Variants in SNX29 observed in about 807,000 individuals in gnomAD.
The protein encoded by SNX29 is sorting nexin-29.
In SNX29, 78 loss-of-function variants were observed where a neutral mutation model predicts 102.1. The ratio of observed to expected loss-of-function variants is 0.76; its 90% CI spans 0.64 to 0.92. The LOEUF is 0.92. SNX29 is among the 40% of genes least tolerant of loss of function. The pLI is 0.00. For synonymous variants in SNX29, 580 were observed against 414.5 expected, an observed-to-expected ratio of 1.40 and a Z score of -4.85; for missense variants, 1,280 against 1,061.7, an observed-to-expected ratio of 1.21 and a Z score of -2.86.
intron 18 of SNX29, among the ~76,000 whole-genome samples, chr16:12,408,049 T>C (rs1005249342): frequency 6.6e-6 from 1 of 151,922 alleles, no homozygotes; most frequent in Non-Finnish European, 1.5e-5. Flanking sequence ...TCCCAGCTAC[T>C]GGGGAGGCTG....
chr16:12,023,551 C>G (rs35989750), intron 3 of SNX29, among the ~76,000 whole-genome samples: 1 of 148,968 alleles, frequency 6.7e-6, no homozygotes, highest in Non-Finnish European at 1.5e-5. Context: ...GCACTCCAGC[C>G]TGGGTAACAG....
intron 18 of SNX29, among the ~76,000 whole-genome samples, chr16:12,410,458 T>G (rs988661808): frequency 1.3e-5 from 2 of 152,180 alleles, no homozygotes; most frequent in Non-Finnish European, 2.9e-5. Flanking sequence ...TTATTATTAC[T>G]TTGTTGGAGA....
At chr16:12,289,678 A>G (rs989964718) in intron 15 of SNX29, among the ~76,000 whole-genome samples, 3 of 150,966 alleles carry the variant, frequency 2.0e-5, no homozygotes, top group African/African-American at 7.3e-5. Flanking sequence ...ATGATCCAAT[A>G]CTCCTTTTTG....
chr16:12,261,291 TGC>T (rs2078749789), intron 14 of SNX29, among the ~76,000 whole-genome samples: 1 of 142,656 alleles, frequency 7.0e-6, no homozygotes, highest in African/African-American at 2.7e-5. Context: ...CTCGGGTCTG[TGC>T]GCGCGTCCCC....
intron 9 of SNX29, among the ~76,000 whole-genome samples, chr16:12,064,372 C>G (rs1003267059): frequency 6.6e-6 from 1 of 152,222 alleles, no homozygotes; most frequent in East Asian, 1.9e-4. Flanking sequence ...CCCCATCAGC[C>G]TCTAGAGTCC....
intron 9 of SNX29, 102 bp downstream of exon 9, chr16:12,061,748 A>G: frequency 3.0e-6 from 3 of 993,908 alleles, no homozygotes; most frequent in Non-Finnish European, 3.0e-6. Flanking sequence ...GGGAGCCGGG[A>G]GGCACGGGAG....
chr16:12,069,921 G>A (rs1366893854), intron 10 of SNX29, among the ~76,000 whole-genome samples: 6 of 151,490 alleles, frequency 4.0e-5, no homozygotes, highest in African/African-American at 1.2e-4. Context: ...CTCGTGATCC[G>A]CCCGCCTCGG....
intron 15 of SNX29, among the ~76,000 whole-genome samples, chr16:12,323,452 T>C (rs894475071): frequency 6.6e-6 from 1 of 151,366 alleles, no homozygotes; most frequent in Non-Finnish European, 1.5e-5. Flanking sequence ...ACTTCAAAAG[T>C]ACCATGATGA....
At chr16:12,541,347 C>T (rs1641890) in intron 20 of SNX29, among the ~76,000 whole-genome samples, 18,359 of 152,136 alleles carry the variant, frequency 0.12, 1,377 homozygotes, top group Non-Finnish European at 0.16. Context: ...TTACCTTCTT[C>T]ATTCTTCACA....
rs566782808 is a variant in SNX29, at chr16:12,572,275, C to T, written c.*3646C>T. The T allele has an allele frequency of 5.7e-6, 6 of 1,059,514 alleles. No homozygotes were observed. In the African/African-American group the frequency reaches 6.7e-5, roughly 12 times the overall value. 65.6% of individuals were successfully genotyped at this position (1,059,514 alleles called of 1,614,324 possible). A position where few individuals can be genotyped will look rare whatever the true frequency, so the allele number is the denominator to read the frequency against. ...GATACCATGGCTGTAGCTGATGCAA[C>T]TAACAAGTACTGGGGCCAGTGATCA... is the stretch of plus-strand genomic sequence containing the variant. On this transcript the variant is annotated 3_prime_UTR_variant, in exon 21 of 21. Coordinates refer to ENST00000566228, the MANE Select transcript of SNX29 (RefSeq NM_032167.5).
intron 18 of SNX29, among the ~76,000 whole-genome samples, chr16:12,448,801 T>G (rs568441057): frequency 6.6e-5 from 10 of 152,314 alleles, no homozygotes; most frequent in African/African-American, 2.4e-4. Context: ...GCTGTCCTGA[T>G]CAGGTGCATC....
intron 16 of SNX29, among the ~76,000 whole-genome samples, chr16:12,361,291 A>T (rs572065657): frequency 1.2e-4 from 18 of 152,332 alleles, no homozygotes; most frequent in African/African-American, 4.3e-4. Flanking sequence ...GCAGTCAGGA[A>T]CCAGGCAGTG....
intron 11 of SNX29, among the ~76,000 whole-genome samples, chr16:12,083,158 T>A (rs1032302533): frequency 1.3e-5 from 2 of 151,670 alleles, no homozygotes; most frequent in African/African-American, 2.4e-5. Context: ...TACAAAAAAT[T>A]AGCATGGTGT....
intron 1 of SNX29, among the ~76,000 whole-genome samples, chr16:11,981,924 G>A (rs1460294400): frequency 6.6e-6 from 1 of 152,022 alleles, no homozygotes; most frequent in East Asian, 1.9e-4. Flanking sequence ...AGCAGGGTGG[G>A]TCTGGCGTGA....
chr16:12,009,875 G>A lies in SNX29; in HGVS notation c.122+6832G>A, dbSNP rs143806755. Among the ~76,000 whole-genome samples the A allele has an allele frequency of 2.9e-3, 447 of 152,344 alleles. 4 individuals are homozygous for A. The highest frequency in any genetic ancestry group is 0.01 in the African/African-American group (420 of 41,584). On this transcript the variant is annotated intron_variant, in intron 3 of 20. Transcript: ENST00000566228. Reference sequence around the variant, plus strand: ...AAGTTACCTCAAAGACTAGAAACGTGATTGTTCCGCCAAGGCGTCTTTGTC... The same window carrying A: ...AAGTTACCTCAAAGACTAGAAACGTAATTGTTCCGCCAAGGCGTCTTTGTC...
intron 13 of SNX29, among the ~76,000 whole-genome samples, chr16:12,191,958 C>T (rs796610861): frequency 5.3e-5 from 8 of 152,278 alleles, no homozygotes; most frequent in African/African-American, 1.9e-4. Context: ...GAGGTCCCCT[C>T]GAGCTGTGCT....
At chr16:12,538,435 T>C (rs1388721125) in intron 20 of SNX29, among the ~76,000 whole-genome samples, 1 of 152,166 alleles carries the variant, frequency 6.6e-6, no homozygotes, top group African/African-American at 2.4e-5. Context: ...TAACTGAGAA[T>C]GGTTACTTGG....
At chr16:12,263,806 G>C (rs1326569786) in intron 14 of SNX29, among the ~76,000 whole-genome samples, 1 of 152,214 alleles carries the variant, frequency 6.6e-6, no homozygotes, top group Non-Finnish European at 1.5e-5. Context: ...AGGCTCAAGT[G>C]AGGTATTGGT....
At chr16:12,490,604 C>G (rs1255901221) in intron 19 of SNX29, among the ~76,000 whole-genome samples, 1 of 152,172 alleles carries the variant, frequency 6.6e-6, no homozygotes, top group Non-Finnish European at 1.5e-5. Flanking sequence ...TGTTTATACT[C>G]CACTGTAGTG....
Sources: gnomAD v4.1 joint callset for allele counts (sites outside exome capture counted in the v4.1 genomes callset) on GRCh38, gnomAD v4.1.1 for gene constraint, MANE v1.5 for transcripts, NCBI Gene and HGNC (gene_info 2026-07-23, HGNC 2026-07-21) for gene names.